Variants in CNTN5 observed in about 807,000 individuals in gnomAD.
CNTN5 encodes contactin 5, also known as contactin-5.
Under a neutral mutation model 129.1 loss-of-function variants are expected in CNTN5, and 77 were observed. That is an observed-to-expected ratio of 0.60 (90% CI 0.50 to 0.72). The LOEUF is 0.72. Ranked by LOEUF, CNTN5 falls within the 30% of genes least tolerant of loss-of-function variation. The pLI, the probability that CNTN5 is intolerant of heterozygous loss-of-function variation, is 0.00. For synonymous variants in CNTN5, 509 were observed against 465.6 expected, an observed-to-expected ratio of 1.09 and a Z score of -1.20; for missense variants, 1,478 against 1,328.8, an observed-to-expected ratio of 1.11 and a Z score of -1.75.
chr11:100,239,751 G>A (rs1949697291), intron 16 of CNTN5, among the ~76,000 whole-genome samples: 1 of 152,088 alleles, frequency 6.6e-6, no homozygotes, highest in African/African-American at 2.4e-5. Flanking sequence ...AAACATTCTA[G>A]GACAAACATA....
chr11:100,278,675 A>G (rs543829649), intron 18 of CNTN5, among the ~76,000 whole-genome samples: 4 of 152,150 alleles, frequency 2.6e-5, no homozygotes, highest in African/African-American at 9.6e-5. Flanking sequence ...AATTTACTAA[A>G]TTTGTTCATC....
intron 3 of CNTN5, among the ~76,000 whole-genome samples, chr11:99,761,563 A>G (rs1472735076): frequency 6.6e-5 from 10 of 151,476 alleles, no homozygotes; most frequent in African/African-American, 1.9e-4. Context: ...ATGATTTCCA[A>G]TTTCATCCAT....
chr11:100,050,864 A>G (rs184333921), intron 9 of CNTN5, among the ~76,000 whole-genome samples: 1 of 152,222 alleles, frequency 6.6e-6, no homozygotes, highest in Non-Finnish European at 1.5e-5. Context: ...TATGATAATA[A>G]AAAGATTAAC....
chr11:99,742,571 T>C (rs1388925269), intron 3 of CNTN5, among the ~76,000 whole-genome samples: 1 of 152,198 alleles, frequency 6.6e-6, no homozygotes, highest in Non-Finnish European at 1.5e-5. Context: ...AACACTTTAA[T>C]TCTGTCATTT....
intron 3 of CNTN5, among the ~76,000 whole-genome samples, chr11:99,628,223 T>C (rs1327060269): frequency 6.8e-6 from 1 of 147,792 alleles, no homozygotes; most frequent in Non-Finnish European, 1.5e-5. Context: ...GGAAACTTAG[T>C]AGTAGTATTT....
intron 3 of CNTN5, among the ~76,000 whole-genome samples, chr11:99,614,650 C>T (rs1031278906): frequency 6.6e-6 from 1 of 152,134 alleles, no homozygotes; most frequent in Non-Finnish European, 1.5e-5. Flanking sequence ...GATGTTTCTG[C>T]GACAATCTGT....
At chr11:100,239,367 A>C (rs1949689496) in intron 16 of CNTN5, among the ~76,000 whole-genome samples, 1 of 152,194 alleles carries the variant, frequency 6.6e-6, no homozygotes, top group Admixed American at 6.5e-5. Flanking sequence ...TCATAGTTCA[A>C]GGGTACTGCT....
chr11:99,435,966 G>A (rs2656162), intron 2 of CNTN5, among the ~76,000 whole-genome samples: 6,980 of 152,216 alleles, frequency 0.046, 235 homozygotes, highest in Non-Finnish European at 0.071. Flanking sequence ...TAAAAAGGTC[G>A]TATTCAACTT....
At chr11:100,110,823 T>C (rs117872646) in intron 13 of CNTN5, among the ~76,000 whole-genome samples, 2 of 152,164 alleles carry the variant, frequency 1.3e-5, no homozygotes, top group African/African-American at 4.8e-5. Flanking sequence ...GGGATTGATG[T>C]CACTTCAGCC....
intron 9 of CNTN5, among the ~76,000 whole-genome samples, chr11:100,051,151 A>G (rs1171873368): frequency 6.6e-6 from 1 of 152,056 alleles, no homozygotes; most frequent in East Asian, 1.9e-4. Flanking sequence ...CTATTAACCA[A>G]CTTGACCTAA....
chr11:99,592,384 C>G (rs560379076), intron 3 of CNTN5, among the ~76,000 whole-genome samples: 3 of 152,120 alleles, frequency 2.0e-5, no homozygotes, highest in Non-Finnish European at 4.4e-5. Context: ...AAGTAGAAAG[C>G]AAGCCAGCAG....
chr11:99,238,502 A>G (rs911605758), intron 1 of CNTN5, among the ~76,000 whole-genome samples: 20 of 152,180 alleles, frequency 1.3e-4, no homozygotes, highest in African/African-American at 3.9e-4. Context: ...AAATTTTTTG[A>G]AACAACTTAG....
chr11:99,412,078 C>A lies in CNTN5; in HGVS notation c.-71+86594C>A, dbSNP rs187837085. 2.5e-3 allele frequency among the ~76,000 whole-genome samples: 384 copies of A among 152,200 alleles called. 2 individuals are homozygous for A. The highest frequency in any genetic ancestry group is 8.5e-3 in the African/African-American group (354 of 41,536). ...TTTAAATAATATTATTCAAAATTAT[C>A]TCAAATTATATTGTATTAAGATGTA... On this transcript the variant is annotated intron_variant, in intron 2 of 24. Coordinates refer to ENST00000524871, the MANE Select transcript of CNTN5 (RefSeq NM_014361.4).
At chr11:99,795,540 T>C (rs1945902308) in intron 3 of CNTN5, among the ~76,000 whole-genome samples, 1 of 152,148 alleles carries the variant, frequency 6.6e-6, no homozygotes, top group South Asian at 2.1e-4. Flanking sequence ...GTTTCTTATC[T>C]ATGTGAGCTA....
At chr11:100,318,383 A>T (rs989531449) in intron 21 of CNTN5, among the ~76,000 whole-genome samples, 4 of 151,594 alleles carry the variant, frequency 2.6e-5, no homozygotes, top group Non-Finnish European at 4.4e-5. Context: ...CCTCAGTTTC[A>T]CTGTATTATA....
chr11:99,923,340 T>C (rs933957063), intron 7 of CNTN5, among the ~76,000 whole-genome samples: 1 of 152,160 alleles, frequency 6.6e-6, no homozygotes, highest in African/African-American at 2.4e-5. Context: ...AAAAAACGTG[T>C]TTTTCAGTTT....
chr11:99,932,978 T>A (rs1253644177), intron 7 of CNTN5, among the ~76,000 whole-genome samples: 1 of 152,182 alleles, frequency 6.6e-6, no homozygotes, highest in African/African-American at 2.4e-5. Flanking sequence ...AGTCCCAGTA[T>A]CTTTGTATCT....
chr11:100,070,060 C>A (rs568893881), intron 10 of CNTN5, among the ~76,000 whole-genome samples: 27 of 151,436 alleles, frequency 1.8e-4, no homozygotes, highest in African/African-American at 6.6e-4. Flanking sequence ...TATTTCTACC[C>A]GTGCTAATGC....
intron 3 of CNTN5, among the ~76,000 whole-genome samples, chr11:99,575,124 T>C (rs949389452): frequency 1.3e-5 from 2 of 152,192 alleles, no homozygotes; most frequent in Non-Finnish European, 2.9e-5. Flanking sequence ...ATATCTTTTA[T>C]TATAAAGTCT....
Sources: gnomAD v4.1 joint callset for allele counts (sites outside exome capture counted in the v4.1 genomes callset) on GRCh38, gnomAD v4.1.1 for gene constraint, MANE v1.5 for transcripts, NCBI Gene and HGNC (gene_info 2026-07-23, HGNC 2026-07-21) for gene names.